JMJD1C: variants seen among roughly 807,000 people sequenced by gnomAD.
The protein encoded by JMJD1C is jumonji domain-containing protein 1C.
In JMJD1C, 31 loss-of-function variants were observed where a neutral mutation model predicts 245.3. The ratio of observed to expected loss-of-function variants is 0.13; its 90% confidence interval spans 0.09 to 0.17. The LOEUF is 0.17. JMJD1C is among the 10% of genes least tolerant of loss of function. The pLI is 1.00. For missense variants in JMJD1C, 2,691 were observed against 3,000.2 expected, an observed-to-expected ratio of 0.90 and a Z score of 2.41; for synonymous variants, 1,057 against 1,017.4, an observed-to-expected ratio of 1.04 and a Z score of -0.74.
At chr10:63,392,752 G>A (rs1385962896) in intron 1 of JMJD1C, among the ~76,000 whole-genome samples, 2 of 149,952 alleles carry the variant, frequency 1.3e-5, no homozygotes, top group Admixed American at 6.7e-5. Flanking sequence ...TTGAACACGG[G>A]AGGCAGAGGT....
chr10:63,340,619 C>T (rs1450877255), intron 2 of JMJD1C, among the ~76,000 whole-genome samples: 1 of 152,168 alleles, frequency 6.6e-6, no homozygotes, highest in African/African-American at 2.4e-5. Context: ...ATGGTGCTGG[C>T]ATGACCACCA....
chr10:63,413,746 G>T (rs1949626499), intron 1 of JMJD1C, among the ~76,000 whole-genome samples: 1 of 152,000 alleles, frequency 6.6e-6, no homozygotes, highest in Admixed American at 6.6e-5. Context: ...TTTCTCCCTG[G>T]ATTTTTCTGT....
At chr10:63,404,829 GT>G (rs1293729947) in intron 1 of JMJD1C, among the ~76,000 whole-genome samples, 2 of 152,128 alleles carry the variant, frequency 1.3e-5, no homozygotes, top group African/African-American at 4.8e-5. Flanking sequence ...TATAAAGAAT[GT>G]TTTAACATTA....
intron 3 of JMJD1C, among the ~76,000 whole-genome samples, chr10:63,228,207 GC>G (rs1206200109): frequency 6.6e-6 from 1 of 151,930 alleles, no homozygotes; most frequent in Non-Finnish European, 1.5e-5. Flanking sequence ...CAGAAAAGTA[GC>G]TAAAAAAATA....
chr10:63,286,706 C>G (rs921619307), intron 2 of JMJD1C, among the ~76,000 whole-genome samples: 1 of 152,100 alleles, frequency 6.6e-6, no homozygotes, highest in Non-Finnish European at 1.5e-5. Flanking sequence ...AGAGAATAAG[C>G]TCTTTGGTAT....
chr10:63,426,043 T>C (rs1345861052), intron 1 of JMJD1C, among the ~76,000 whole-genome samples: 1 of 152,180 alleles, frequency 6.6e-6, no homozygotes, highest in Non-Finnish European at 1.5e-5. Context: ...TCTATATTTA[T>C]TTTTCGGTAA....
chr10:63,466,857 T>G (rs902619016), upstream of JMJD1C, among the ~76,000 whole-genome samples: 1 of 152,204 alleles, frequency 6.6e-6, no homozygotes, highest in Admixed American at 6.5e-5. Flanking sequence ...CTTGGAACAA[T>G]CACTCTTCTT....
At chr10:63,335,845 G>A (rs1047602326) in intron 2 of JMJD1C, among the ~76,000 whole-genome samples, 1 of 151,846 alleles carries the variant, frequency 6.6e-6, no homozygotes, top group African/African-American at 2.4e-5. Flanking sequence ...CTTTGGCTGG[G>A]CACCGTGGCT....
At chr10:63,518,045 G>A (rs544760119) in intron 1 of JMJD1C, among the ~76,000 whole-genome samples, 5 of 152,140 alleles carry the variant, frequency 3.3e-5, no homozygotes, top group South Asian at 4.1e-4. Context: ...TGCCCTTGTC[G>A]GCCTCCCAAA....
At chr10:63,193,612 C>T in intron 14 of JMJD1C, 140 bp from the exon 15 acceptor site, 1 of 550,972 alleles carries the variant, frequency 1.8e-6, no homozygotes, top group Non-Finnish European at 3.1e-6. Context: ...CATTTTTCTC[C>T]ATTCTCTTCC....
At chr10:63,475,668 A>G (rs1953637685) in intron 1 of JMJD1C, among the ~76,000 whole-genome samples, 1 of 152,192 alleles carries the variant, frequency 6.6e-6, no homozygotes, top group South Asian at 2.1e-4. Context: ...AGAAAGCTCA[A>G]TTCCTACCAC....
At chr10:63,377,388 T>C (rs540875698) in intron 2 of JMJD1C, among the ~76,000 whole-genome samples, 3 of 152,194 alleles carry the variant, frequency 2.0e-5, no homozygotes, top group Admixed American at 6.5e-5. Flanking sequence ...ACAGTTAAAA[T>C]GGCAAATTTT....
intron 2 of JMJD1C, among the ~76,000 whole-genome samples, chr10:63,325,274 A>T (rs1477756950): frequency 6.6e-6 from 1 of 152,232 alleles, no homozygotes; most frequent in East Asian, 1.9e-4. Flanking sequence ...CAAATGACGT[A>T]AAACAGGGGA....
At chr10:63,249,910 G>A (rs929586595) in intron 3 of JMJD1C, among the ~76,000 whole-genome samples, 5 of 151,552 alleles carry the variant, frequency 3.3e-5, no homozygotes, top group African/African-American at 1.2e-4. Flanking sequence ...TTAAGGTGTT[G>A]GACATCCCAA....
chr10:63,411,570 A>G (rs1949481104), intron 1 of JMJD1C, among the ~76,000 whole-genome samples: 1 of 149,040 alleles, frequency 6.7e-6, no homozygotes, highest in Admixed American at 6.7e-5. Context: ...GAGTGCTGGG[A>G]TTACAGGCGT....
intron 2 of JMJD1C, among the ~76,000 whole-genome samples, chr10:63,273,703 C>A (rs1008640507): frequency 6.6e-6 from 1 of 152,036 alleles, no homozygotes; most frequent in African/African-American, 2.4e-5. Context: ...CTAAACCAGG[C>A]TAGGGGAAGA....
upstream of JMJD1C, among the ~76,000 whole-genome samples, chr10:63,467,529 C>CA (rs1206505260): frequency 6.6e-6 from 1 of 152,100 alleles, no homozygotes; most frequent in African/African-American, 2.4e-5. Context: ...AACAAACAAA[C>CA]AAAAAACCTG....
intron 1 of JMJD1C, among the ~76,000 whole-genome samples, chr10:63,460,849 T>C (rs1362039905): frequency 1.3e-5 from 2 of 152,196 alleles, no homozygotes; most frequent in African/African-American, 4.8e-5. Flanking sequence ...AGGTTTCACA[T>C]GGTAAAATTT....
At chr10:63,521,058 G>A (rs4378280) in intron 1 of JMJD1C, among the ~76,000 whole-genome samples, 21,813 of 152,166 alleles carry the variant, frequency 0.14, 3,675 homozygotes, top group African/African-American at 0.41. Context: ...TTTCACACAG[G>A]CACTGCCAAT....
Sources: allele counts gnomAD v4.1 joint callset (sites outside exome capture counted in the v4.1 genomes callset), GRCh38; gene constraint gnomAD v4.1.1; transcripts MANE v1.5; gene names NCBI Gene and HGNC (gene_info 2026-07-23, HGNC 2026-07-21).